The following ATAD5 variants were observed in gnomAD, a reference collection of about 807,000 sequenced individuals.
ATAD5 encodes the protein ATPase family AAA domain containing 5, also known as ATPase family AAA domain-containing protein 5.
A neutral mutation model predicts 176.9 loss-of-function variants in ATAD5; 58 were observed. That is an observed-to-expected ratio of 0.33 (90% CI 0.27 to 0.41). The LOEUF (loss-of-function observed/expected upper bound fraction) is 0.41. Ranked by LOEUF, ATAD5 falls within the 10% of genes least tolerant of loss-of-function variation. The probability of loss-of-function intolerance (pLI) is 1.00; values close to 1 mark genes in which losing one functional copy is unlikely to be tolerated. For missense variants in ATAD5, 1,789 were observed against 2,094.1 expected, an observed-to-expected ratio of 0.85 and a Z score of 2.84; for synonymous variants, 640 against 712.6, an observed-to-expected ratio of 0.90 and a Z score of 1.62.
chr17:30,834,962 A>C lies in ATAD5; in HGVS notation c.881A>C (p.Glu294Ala). The C allele has an allele frequency of 6.2e-7, 1 of 1,614,080 alleles. No homozygotes were observed. The highest frequency in any genetic ancestry group is 1.6e-4 in the Middle Eastern group (1 of 6,062). The change falls in exon 2 of 23, where the codon GAA (glutamate) becomes GCA (alanine). Residue 294 changes from glutamate (E) to alanine (A), a missense_variant. Physicochemically the swap from Glu to Ala is moderately radical, Grantham distance 107. Transcript: ENST00000321990. ...ACAATGTCAATTTGTGTTCCTTCTG[A>C]AACTGTCGACGAAATAGTCAAAAGT... ...DSTMSICVPS[E>A]TVDEIVKSGY...
Position 30,876,564 on chromosome 17 carries a change from T to C in ATAD5, c.3784+14T>C. ...AAAATAATAAAGGTAAGACATTAAA[T>C]TGACAAATTTTATATTTTTTAATAA... On this transcript the variant is annotated intron_variant, in intron 15 of 22. Transcript: ENST00000321990. 1.3e-6 allele frequency: 2 copies of C among 1,485,050 alleles called. No individual in the cohort carries two copies. Among genetic ancestry groups the C allele is most frequent in the Non-Finnish European group, 9.2e-7 (1 of 1,089,154 alleles). The allele number at this position is 1,485,050 out of a possible 1,614,324, so 92.0% of individuals were successfully genotyped here. A position where few individuals can be genotyped will look rare whatever the true frequency, so the allele number is the denominator to read the frequency against.
chr17:30,858,243 C>T lies in ATAD5; in HGVS notation c.2876C>T (p.Ser959Leu). ...EEIRWSNPEFSLKKYFPLLLK... is the reference protein window; with the variant it reads ...EEIRWSNPEFLLKKYFPLLLK... ...ATTAGGTGGTCAAATCCTGAATTTT[C>T]ATTGAAAAAATATTTTCCCTTACTC... Residue 959 changes from serine (S) to leucine (L), a missense_variant, in exon 9 of 23, where the codon TCA (serine) becomes TTA (leucine). This residue lies in a region of ATAD5 where 487 missense variants were observed against 573.6 expected (regional missense o/e 0.85). Coordinates refer to ENST00000321990, the MANE Select transcript of ATAD5 (RefSeq NM_024857.5). The T allele has an allele frequency of 6.3e-7, 1 of 1,597,940 alleles. No individual in the cohort carries two copies. Among genetic ancestry groups the T allele is most frequent in the Non-Finnish European group, 8.5e-7 (1 of 1,172,510 alleles).
chr17:30,848,760 T>C (rs1449155036), intron 6 of ATAD5, among the ~76,000 whole-genome samples: 1 of 152,248 alleles, frequency 6.6e-6, no homozygotes, highest in Non-Finnish European at 1.5e-5. Context: ...TCTAGAATTT[T>C]ATATTAATGA....
rs144450027 is a variant in ATAD5, at chr17:30,868,214, A to G, written c.3234-119A>G. ...TAACAAGAAAGCCTTCATCAGTTGA[A>G]TGGCCAGTGGCAGAGAAACTAACAA... On this transcript the variant is annotated intron_variant, in intron 11 of 22. Coordinates refer to ENST00000321990, the MANE Select transcript of ATAD5 (RefSeq NM_024857.5). 6.7e-5 allele frequency: 48 copies of G among 718,134 alleles called. No individual in the cohort carries two copies. The African/African-American group carries it at 7.0e-4, about 11-fold the overall frequency. The allele number at this position is 718,134 out of a possible 1,614,324, so 44.5% of individuals were successfully genotyped here. A position where few individuals can be genotyped will look rare whatever the true frequency, so the allele number is the denominator to read the frequency against.
chr17:30,873,861 A>G (rs745399864), intron 14 of ATAD5, among the ~76,000 whole-genome samples: 3 of 151,266 alleles, frequency 2.0e-5, no homozygotes, highest in Non-Finnish European at 4.4e-5. Flanking sequence ...TTGGCTAAGC[A>G]TGTATTTTTA....
In ATAD5 at chr17:30,834,226, A is replaced by G. The variant is rs994778822; in HGVS notation, c.145A>G (p.Thr49Ala). 12 of 1,612,526 alleles carry G rather than the reference A, an allele frequency of 7.4e-6. No individual in the cohort carries two copies. Among genetic ancestry groups the G allele is most frequent in the African/African-American group, 2.7e-5 (2 of 74,850 alleles). The change falls in exon 2 of 23, where the codon ACT (threonine) becomes GCT (alanine). Residue 49 changes from threonine to alanine, a missense_variant. Physicochemically the swap from Thr to Ala is moderately conservative, Grantham distance 58. Around this residue, in one of 6 missense-constraint regions of ATAD5, gnomAD observed 696 missense variants for 712.5 expected, o/e 0.98. Coordinates refer to ENST00000321990, the MANE Select transcript of ATAD5 (RefSeq NM_024857.5). ...ITKYLSPLGK[T>A]RDRVFAPPKP... is the part of the protein sequence containing the mutation. ...AAAATATTTATCACCACTAGGGAAG[A>G]CTAGAGACAGGGTTTTTGCTCCACC...
chr17:30,854,321 A>G (rs1907159394), intron 6 of ATAD5, among the ~76,000 whole-genome samples: 1 of 147,822 alleles, frequency 6.8e-6, no homozygotes, highest in Non-Finnish European at 1.5e-5. Flanking sequence ...ATTACCTAAA[A>G]TACTAATTTA....
intron 17 of ATAD5, among the ~76,000 whole-genome samples, chr17:30,878,600 A>G (rs976759346): frequency 1.1e-4 from 16 of 151,278 alleles, no homozygotes; most frequent in Admixed American, 2.0e-4. Flanking sequence ...ATTTTCTAAT[A>G]TTTTTCCAAT....
chr17:30,881,448 C>T (rs1009652735), intron 18 of ATAD5, among the ~76,000 whole-genome samples: 3 of 152,152 alleles, frequency 2.0e-5, no homozygotes, highest in African/African-American at 7.2e-5. Flanking sequence ...TGGAGACGCA[C>T]ACCACCACGC....
At position 30,870,195 on chromosome 17, in the gene ATAD5, TTTG is replaced by T. The variant is rs1222083803; in HGVS notation, c.3607+552_3607+554del. Among the ~76,000 whole-genome samples the T allele has an allele frequency of 7.9e-5, 12 of 152,380 alleles. No individual in the cohort carries two copies. In the East Asian group the frequency reaches 2.3e-3, roughly 29 times the overall value. On this transcript the variant is annotated intron_variant, in intron 14 of 22. Transcript: ENST00000321990. ...GTCAATTTTCTGTTGTTTCAAATGA[TTTG>T]TTCAAATCTGGATCCAAACAAGGTT...
intron 14 of ATAD5, among the ~76,000 whole-genome samples, chr17:30,872,231 T>A (rs984712004): frequency 5.9e-5 from 9 of 152,176 alleles, no homozygotes; most frequent in Non-Finnish European, 1.5e-5. Flanking sequence ...TCAGGTCTTT[T>A]AAACTGTAGT....
intron 8 of ATAD5, among the ~76,000 whole-genome samples, 200 bp downstream of exon 8, chr17:30,857,312 G>A (rs764492768): frequency 1.3e-5 from 2 of 151,490 alleles, no homozygotes; most frequent in Non-Finnish European, 2.9e-5. Context: ...TCTGCTTCCC[G>A]AGTTCAAGCA....
intron 11 of ATAD5, among the ~76,000 whole-genome samples, 166 bp from the exon 12 acceptor site, chr17:30,868,167 T>C (rs780425273): frequency 2.6e-5 from 4 of 152,172 alleles, no homozygotes; most frequent in Non-Finnish European, 4.4e-5. Flanking sequence ...CAATATGCCA[T>C]ATAAAGCTGT....
At chr17:30,839,315 C>G (rs376926461) in intron 3 of ATAD5, among the ~76,000 whole-genome samples, 154 of 150,114 alleles carry the variant, frequency 1.0e-3, no homozygotes, top group African/African-American at 3.7e-3. Context: ...GAGACGGAGT[C>G]TTGCTGTGTT....
At chr17:30,886,176 T>C (rs181572251) in intron 18 of ATAD5, among the ~76,000 whole-genome samples, 1 of 151,490 alleles carries the variant, frequency 6.6e-6, no homozygotes, top group Admixed American at 6.6e-5. Flanking sequence ...TTTTTTCTTT[T>C]TTTTTTTTAA....
At chr17:30,884,816 C>T (rs1391141119) in intron 18 of ATAD5, among the ~76,000 whole-genome samples, 3 of 147,238 alleles carry the variant, frequency 2.0e-5, no homozygotes, top group Non-Finnish European at 4.5e-5. Flanking sequence ...GGTGCAATCT[C>T]GGCTCACTGC....
chr17:30,891,593 G>A (rs1482449457), intron 19 of ATAD5, among the ~76,000 whole-genome samples: 1 of 151,972 alleles, frequency 6.6e-6, no homozygotes. Context: ...GGCTGGTCTC[G>A]AACTCCTGAC....
intron 18 of ATAD5, among the ~76,000 whole-genome samples, chr17:30,880,727 G>T (rs11658344): frequency 0.13 from 20,035 of 151,680 alleles, 1,466 homozygotes; most frequent in South Asian, 0.24. Context: ...TTAAAAATGT[G>T]TTTTCTTAAA....
At chr17:30,840,066 T>C (rs1451398387) in intron 3 of ATAD5, among the ~76,000 whole-genome samples, 1 of 151,780 alleles carries the variant, frequency 6.6e-6, no homozygotes, top group Admixed American at 6.6e-5. Flanking sequence ...GGTGTGGTGG[T>C]GTGCACCTGT....
Sources: gnomAD v4.1 joint callset for allele counts (sites outside exome capture counted in the v4.1 genomes callset) on GRCh38, gnomAD v4.1.1 for gene constraint, gnomAD v4.1.1 regional missense constraint, MANE v1.5 for transcripts, NCBI Gene and HGNC (gene_info 2026-07-23, HGNC 2026-07-21) for gene names.